Variants in TRIM25 observed in about 807,000 individuals in gnomAD.
TRIM25 encodes E3 ubiquitin/ISG15 ligase TRIM25.
TRIM25 carries 45 observed loss-of-function variants against 65.2 expected under a neutral mutation model. The observed-to-expected ratio is 0.69, with a 90% CI of 0.54 to 0.89. The LOEUF (loss-of-function observed/expected upper bound fraction) is 0.89. Among genes scored for constraint, TRIM25 ranks in the 40% least tolerant of loss-of-function variants. The pLI, the probability that TRIM25 is intolerant of heterozygous loss-of-function variation, is 0.00. For missense variants in TRIM25, 714 were observed against 803.7 expected (o/e 0.89, Z 1.35); for synonymous variants, 321 against 340.4 (o/e 0.94, Z 0.63).
chr17:56,890,938 G>A lies in TRIM25; in HGVS notation c.*762C>T, dbSNP rs753425445. 1.5e-5 allele frequency: 7 copies of A among 455,950 alleles called. No individual in the cohort carries two copies. Among genetic ancestry groups the A allele is most frequent in the South Asian group, 1.1e-4 (7 of 64,548 alleles). The allele number at this position is 455,950 out of a possible 1,614,324, so 28.2% of individuals were successfully genotyped here. A position where few individuals can be genotyped will look rare whatever the true frequency, so the allele number is the denominator to read the frequency against. On this transcript the variant is annotated 3_prime_UTR_variant, in exon 9 of 9. Coordinates refer to ENST00000316881, the MANE Select transcript of TRIM25 (RefSeq NM_005082.5). Reference sequence around the variant, plus strand: ...GATGCTTCTTATGATACTTAGGAAGGATTTCCACCCAAACTGGATCAGGGT... The same window carrying A: ...GATGCTTCTTATGATACTTAGGAAGAATTTCCACCCAAACTGGATCAGGGT...
rs1909185262 is a variant in TRIM25 at position 56,892,042 on chromosome 17, C to G, written c.1551G>C (p.Glu517Asp). The change falls in exon 9 of 9, where the codon GAG (glutamate) becomes GAC (aspartate). Residue 517 changes from glutamate (E) to aspartate (D), a missense_variant. By Grantham distance (45) the Glu-to-Asp change is conservative. Transcript: ENST00000316881. ...CCCCACAGAAGTTGTTCTTCTGCAG[C>G]TCCACCTCCCAGTAGTGGATCCCCT... Reference protein sequence around the residue: ...YKKGIHYWEVELQKNNFCGVG... With the variant: ...YKKGIHYWEVDLQKNNFCGVG... The G allele has an allele frequency of 6.2e-7, 1 of 1,614,076 alleles. No individual in the cohort carries two copies. Among genetic ancestry groups the G allele is most frequent in the Non-Finnish European group, 8.5e-7 (1 of 1,180,042 alleles).
intron 1 of TRIM25, among the ~76,000 whole-genome samples, chr17:56,910,108 G>A (rs986944273): frequency 3.3e-5 from 5 of 152,024 alleles, no homozygotes; most frequent in South Asian, 4.1e-4. Context: ...CTAAGATCCC[G>A]ATATTAAAAT....
intron 8 of TRIM25, among the ~76,000 whole-genome samples, chr17:56,893,645 G>A (rs1439433574): frequency 6.6e-6 from 1 of 152,260 alleles, no homozygotes; most frequent in East Asian, 1.9e-4. Context: ...TTGCACGTGG[G>A]TGCAGAAGAA....
At position 56,888,635 on chromosome 17, in the gene TRIM25, TC is replaced by T. The variant is rs2144342671; in HGVS notation, c.*3064del. On this transcript the variant is annotated 3_prime_UTR_variant, in exon 9 of 9. Coordinates refer to ENST00000316881, the MANE Select transcript of TRIM25 (RefSeq NM_005082.5). ...GTGGCTTACTCTTTGATCGATACTC[TC>T]CTGCTTTCCCCTAGCCCCCACAGTT... The T allele has an allele frequency of 6.6e-6, 1 of 152,296 alleles. No homozygotes were observed. Among genetic ancestry groups the T allele is most frequent in the African/African-American group, 2.4e-5 (1 of 41,556 alleles). 9.4% of individuals were successfully genotyped at this position (152,296 alleles called of 1,614,324 possible). A position where few individuals can be genotyped will look rare whatever the true frequency, so the allele number is the denominator to read the frequency against.
intron 1 of TRIM25, among the ~76,000 whole-genome samples, chr17:56,909,271 C>A (rs1241665008): frequency 6.6e-6 from 1 of 152,066 alleles, no homozygotes; most frequent in Non-Finnish European, 1.5e-5. Flanking sequence ...ATGTTCTCTC[C>A]AGAGGCATCT....
intron 2 of TRIM25, 101 bp downstream of exon 2, chr17:56,908,367 A>G: frequency 9.0e-7 from 1 of 1,117,098 alleles, no homozygotes; most frequent in South Asian, 1.2e-5. Context: ...CTGTGAGTGC[A>G]CCCAACACCA....
Position 56,895,398 on chromosome 17 carries a change from G to C in TRIM25, c.1308C>G (p.Leu436=). 1 of 1,614,192 alleles carries C rather than the reference G, an allele frequency of 6.2e-7. No homozygotes were observed. Among genetic ancestry groups the C allele is most frequent in the Non-Finnish European group, 8.5e-7 (1 of 1,180,030 alleles). The change falls in exon 8 of 9, where the codon CTC becomes CTG. Residue 436 remains leucine, a synonymous_variant. Coordinates refer to ENST00000316881, the MANE Select transcript of TRIM25 (RefSeq NM_005082.5). ...ATSSHPNSTS[L]KAKVLETFLA... ...GGAAGGTCTCCAGCACCTTGGCCTT[G>C]AGAGATGTTGAGTTCGGATGTGAGC...
rs778898258 is a variant in TRIM25 at position 56,901,456 on chromosome 17, C to T, written c.1050G>A (p.Gln350=). ...STIDLKNELK[Q]CIGRLQEPTP... ...TGGGCTCCTGGAGCCGCCCGATGCA[C>T]TGCTTCAGCTCGTTTTTGAGGTCTA... The change falls in exon 4 of 9, where the codon CAG becomes CAA. Residue 350 remains glutamine, a synonymous_variant. Transcript: ENST00000316881. 3.7e-6 allele frequency: 6 copies of T among 1,614,156 alleles called. No individual in the cohort carries two copies. In the East Asian group the frequency reaches 1.3e-4, roughly 36 times the overall value.
In TRIM25 at chr17:56,889,569, G is replaced by A. The variant is rs894839057; in HGVS notation, c.*2131C>T. 8.4e-5 allele frequency: 33 copies of A among 393,570 alleles called. No individual in the cohort carries two copies. The highest frequency in any genetic ancestry group is 1.3e-4 in the Non-Finnish European group (28 of 223,596). The allele number at this position is 393,570 out of a possible 1,614,324, so 24.4% of individuals were successfully genotyped here. On this transcript the variant is annotated 3_prime_UTR_variant, in exon 9 of 9. Transcript: ENST00000316881. ...TCAATTTACAACTCCAAAGCACCTTGCACAGAGCTTGGCTTTGGTTACCTA... is the reference window on the plus strand; with the variant it reads ...TCAATTTACAACTCCAAAGCACCTTACACAGAGCTTGGCTTTGGTTACCTA...
Position 56,890,519 on chromosome 17 carries a change from G to A in TRIM25, c.*1181C>T, listed in dbSNP as rs1265704191. ...GCAGCCTGTGGCCAGGGATGAACAG[G>A]AATGTTCCTGTTCCCCATGAGGTTT... On this transcript the variant is annotated 3_prime_UTR_variant, in exon 9 of 9. Transcript: ENST00000316881. 2 of 446,904 alleles carry A rather than the reference G, an allele frequency of 4.5e-6. No individual in the cohort carries two copies. Among genetic ancestry groups the A allele is most frequent in the Non-Finnish European group, 9.0e-6 (2 of 222,686 alleles). 27.7% of individuals were successfully genotyped at this position (446,904 alleles called of 1,614,324 possible). A position where few individuals can be genotyped will look rare whatever the true frequency, so the allele number is the denominator to read the frequency against.
chr17:56,908,702 C>A (rs1909569778), intron 1 of TRIM25, 139 bp from the exon 2 acceptor site: 4 of 750,602 alleles, frequency 5.3e-6, no homozygotes, highest in South Asian at 1.6e-5. Flanking sequence ...TCCTGTCACC[C>A]GAGTCTTGCC....
At chr17:56,904,224 A>C (rs528720753) in intron 3 of TRIM25, 31 bp downstream of exon 3, 11 of 1,570,926 alleles carry the variant, frequency 7.0e-6, no homozygotes, top group African/African-American at 6.9e-5. Context: ...AAAAAAAAAA[A>C]AACATTCAAC....
rs190496911 is a variant in TRIM25, at chr17:56,911,705, T to C, written c.597+1687A>G. Among the ~76,000 whole-genome samples, 718 of 149,560 alleles carry C rather than the reference T, an allele frequency of 4.8e-3. 13 individuals carry two copies. Among genetic ancestry groups the C allele is most frequent in the African/African-American group, 0.017 (691 of 40,346 alleles). On this transcript the variant is annotated intron_variant, in intron 1 of 8. Coordinates refer to ENST00000316881, the MANE Select transcript of TRIM25 (RefSeq NM_005082.5). ...GAGTTCAAGACCAGCCTGAGCAACATAGTGAGATCCCATCTTTACAAAAGA... is the reference window on the plus strand; with the variant it reads ...GAGTTCAAGACCAGCCTGAGCAACACAGTGAGATCCCATCTTTACAAAAGA...
chr17:56,898,085 A>C (rs1909328442), intron 5 of TRIM25, among the ~76,000 whole-genome samples: 1 of 152,218 alleles, frequency 6.6e-6, no homozygotes, highest in South Asian at 2.1e-4. Context: ...TTTTCAGGGA[A>C]GCAATGACAG....
intron 1 of TRIM25, among the ~76,000 whole-genome samples, chr17:56,911,900 G>GA (rs1057345511): frequency 1.6e-4 from 21 of 128,758 alleles, no homozygotes; most frequent in Non-Finnish European, 3.0e-4. Flanking sequence ...TCTAAAAGAA[G>GA]AAAAAAAAAA....
chr17:56,896,498 CAAAAAAA>C (rs772807899), intron 5 of TRIM25, among the ~76,000 whole-genome samples: 4 of 106,242 alleles, frequency 3.8e-5, no homozygotes, highest in Admixed American at 9.8e-5. Context: ...TACAAAATTA[CAAAAAAA>C]AAAAAAAAGA....
rs1330222062 is a variant in TRIM25, at chr17:56,904,320, T to C, written c.862A>G (p.Ile288Val). 1.9e-6 allele frequency: 3 copies of C among 1,614,086 alleles called. No homozygotes were observed. Among genetic ancestry groups the C allele is most frequent in the Non-Finnish European group, 2.5e-6 (3 of 1,180,024 alleles). Residue 288 changes from isoleucine to valine, a missense_variant, in exon 3 of 9, where the codon ATC becomes GTC. Transcript: ENST00000316881. ...TCAATCTCCTCCTTCAAGGTCTGGA[T>C]CTCACTCTTCTTCTTGAGGAGAATC... Reference protein sequence around the residue: ...YQILLKKKSEIQTLKEEIEQS... With the variant: ...YQILLKKKSEVQTLKEEIEQS...
chr17:56,893,751 T>C (rs1180482837), intron 8 of TRIM25, among the ~76,000 whole-genome samples: 2 of 151,872 alleles, frequency 1.3e-5, no homozygotes, highest in Non-Finnish European at 2.9e-5. Flanking sequence ...GAGGGGTGGA[T>C]GGAAACCCAG....
At chr17:56,909,105 T>C (rs1209273539) in intron 1 of TRIM25, among the ~76,000 whole-genome samples, 1 of 151,546 alleles carries the variant, frequency 6.6e-6, no homozygotes, top group Non-Finnish European at 1.5e-5. Flanking sequence ...CTCAGACCAA[T>C]CCTCCCACTG....
Sources: allele counts gnomAD v4.1 joint callset (sites outside exome capture counted in the v4.1 genomes callset), GRCh38; gene constraint gnomAD v4.1.1; transcripts MANE v1.5; gene names NCBI Gene and HGNC (gene_info 2026-07-23, HGNC 2026-07-21).